SPAG16: variants seen among roughly 807,000 people sequenced by gnomAD.
The protein encoded by SPAG16 is sperm associated antigen 16, also known as sperm-associated antigen 16 protein.
Under a neutral mutation model 80.4 loss-of-function variants are expected in SPAG16, and 86 were observed. That is an observed-to-expected ratio of 1.07 (90% CI 0.90 to 1.28). SPAG16 has a LOEUF of 1.28. SPAG16 is among the 50% of genes most tolerant of loss of function. The probability of loss-of-function intolerance (pLI) is 0.00; values close to 1 mark genes in which losing one functional copy is unlikely to be tolerated. For synonymous variants in SPAG16, 294 were observed against 265.9 expected (o/e 1.11, Z -1.03); for missense variants, 870 against 765.3 (o/e 1.14, Z -1.61).
chr2:213,493,950 T>C (rs1002942503), intron 10 of SPAG16, among the ~76,000 whole-genome samples: 1 of 152,186 alleles, frequency 6.6e-6, no homozygotes, highest in African/African-American at 2.4e-5. Flanking sequence ...GTTCTCTTCC[T>C]TTCCTCTCCT....
chr2:214,191,543 T>C (rs4600591), intron 15 of SPAG16, among the ~76,000 whole-genome samples: 45,417 of 151,240 alleles, frequency 0.3, 8,514 homozygotes, highest in Non-Finnish European at 0.42. Flanking sequence ...GGAAAGCCCA[T>C]CTCCACTAAA....
At chr2:213,506,590 C>T (rs1332562018) in intron 10 of SPAG16, among the ~76,000 whole-genome samples, 2 of 152,240 alleles carry the variant, frequency 1.3e-5, no homozygotes, top group African/African-American at 2.4e-5. Context: ...CTCAGCTCCT[C>T]GTGGACTGAG....
rs2051418005 is a variant in SPAG16 at position 214,081,961 on chromosome 2, G to GGA, written c.1528-26232_1528-26231dup. Among the ~76,000 whole-genome samples the GGA allele has an allele frequency of 6.6e-5, 10 of 152,190 alleles. No individual in the cohort carries two copies. In the South Asian group the frequency reaches 2.1e-3, roughly 32 times the overall value. Reference sequence around the variant, plus strand: ...AACTCAAGAGAGCTGGGGCCACCATGGAGACACTTCTGGCCACTTCCTTCT... The same window carrying GGA: ...AACTCAAGAGAGCTGGGGCCACCATGGAGAGACACTTCTGGCCACTTCCTTCT... On this transcript the variant is annotated intron_variant, in intron 13 of 15. Coordinates refer to ENST00000331683, the MANE Select transcript of SPAG16 (RefSeq NM_024532.5).
chr2:214,214,796 A>G (rs1660420196), intron 15 of SPAG16, among the ~76,000 whole-genome samples: 1 of 151,748 alleles, frequency 6.6e-6, no homozygotes, highest in African/African-American at 2.4e-5. Flanking sequence ...TTAAAGACTC[A>G]AACTCCCTTG....
At chr2:213,843,918 T>G (rs929220871) in intron 10 of SPAG16, among the ~76,000 whole-genome samples, 1 of 151,562 alleles carries the variant, frequency 6.6e-6, no homozygotes, top group Non-Finnish European at 1.5e-5. Flanking sequence ...TAAGTTAGGA[T>G]TATTGTCATT....
intron 3 of SPAG16, 120 bp from the exon 4 acceptor site, chr2:213,309,937 AAC>A (rs2063114253): frequency 1.6e-6 from 1 of 614,034 alleles, no homozygotes; most frequent in Admixed American, 3.1e-5. Context: ...CCTGGCATAT[AAC>A]AGTCAACAAA....
intron 10 of SPAG16, among the ~76,000 whole-genome samples, chr2:213,768,661 G>A (rs571986588): frequency 2.4e-4 from 37 of 152,118 alleles, no homozygotes; most frequent in African/African-American, 8.7e-4. Flanking sequence ...AATAAATTTC[G>A]AATATGTTGA....
chr2:213,902,442 C>G (rs1019575081), intron 11 of SPAG16, among the ~76,000 whole-genome samples: 25 of 152,104 alleles, frequency 1.6e-4, no homozygotes. Flanking sequence ...TTAGCAGTGG[C>G]AAGAGAAAAT....
chr2:213,807,413 C>A (rs1022405344), intron 10 of SPAG16, among the ~76,000 whole-genome samples: 11 of 152,004 alleles, frequency 7.2e-5, no homozygotes, highest in African/African-American at 2.7e-4. Flanking sequence ...TATGATGAAG[C>A]TTCCCAAGTG....
At chr2:213,288,004 C>G (rs1395680061) in intron 1 of SPAG16, among the ~76,000 whole-genome samples, 2 of 152,196 alleles carry the variant, frequency 1.3e-5, no homozygotes, top group African/African-American at 2.4e-5. Flanking sequence ...TTCCTGGGCT[C>G]GAGCAATCTT....
intron 10 of SPAG16, among the ~76,000 whole-genome samples, chr2:213,572,683 G>C (rs1349285935): frequency 2.6e-5 from 4 of 152,034 alleles, no homozygotes; most frequent in South Asian, 2.1e-4. Flanking sequence ...GGTTACTGCT[G>C]TCTTTTTGTT....
intron 10 of SPAG16, among the ~76,000 whole-genome samples, chr2:213,795,119 AT>A (rs2070944359): frequency 1.3e-5 from 2 of 152,184 alleles, no homozygotes; most frequent in Admixed American, 1.3e-4. Flanking sequence ...ATTATAGATA[AT>A]TGAAAGTTCA....
intron 14 of SPAG16, among the ~76,000 whole-genome samples, chr2:214,115,522 G>T (rs538306975): frequency 6.6e-6 from 1 of 152,264 alleles, no homozygotes; most frequent in African/African-American, 2.4e-5. Flanking sequence ...AAAACTCAAT[G>T]TTATCAAGCT....
intron 13 of SPAG16, among the ~76,000 whole-genome samples, chr2:214,073,089 T>G (rs575476966): frequency 9.5e-4 from 144 of 152,182 alleles, no homozygotes; most frequent in African/African-American, 3.3e-3. Flanking sequence ...CCTATATACT[T>G]GTAACAAACA....
chr2:213,891,830 G>A (rs1338502863), intron 11 of SPAG16, among the ~76,000 whole-genome samples: 1 of 152,078 alleles, frequency 6.6e-6, no homozygotes, highest in Non-Finnish European at 1.5e-5. Flanking sequence ...GCCTCCAGGT[G>A]AAGAGAAAAA....
intron 11 of SPAG16, among the ~76,000 whole-genome samples, chr2:213,871,513 T>C (rs2075943669): frequency 1.3e-5 from 2 of 151,938 alleles, no homozygotes; most frequent in Non-Finnish European, 2.9e-5. Flanking sequence ...TCTAAGACTA[T>C]GGAAGGACAC....
intron 10 of SPAG16, among the ~76,000 whole-genome samples, chr2:213,756,177 A>G (rs1263039741): frequency 6.6e-6 from 1 of 151,820 alleles, no homozygotes; most frequent in Non-Finnish European, 1.5e-5. Context: ...AATAGGTGTT[A>G]AAAAAAAGAA....
chr2:214,256,200 T>A (rs1690671394), intron 15 of SPAG16, among the ~76,000 whole-genome samples: 1 of 151,974 alleles, frequency 6.6e-6, no homozygotes. Context: ...TGATGTCTAA[T>A]GATGTTGAGC....
At chr2:214,219,607 ACCTGC>A (rs2058513511) in intron 15 of SPAG16, among the ~76,000 whole-genome samples, 2 of 152,150 alleles carry the variant, frequency 1.3e-5, no homozygotes, top group Admixed American at 1.3e-4. Context: ...TTTATTGAGT[ACCTGC>A]TCTGTGCCAG....
Sources: gnomAD v4.1 joint callset for allele counts (sites outside exome capture counted in the v4.1 genomes callset) on GRCh38, gnomAD v4.1.1 for gene constraint, MANE v1.5 for transcripts, NCBI Gene and HGNC (gene_info 2026-07-23, HGNC 2026-07-21) for gene names.